The following COL26A1 variants were observed in gnomAD, a reference collection of about 807,000 sequenced individuals.
COL26A1 encodes collagen alpha-1(XXVI) chain.
In COL26A1, 41 loss-of-function variants were observed where a neutral mutation model predicts 59.3. The observed-to-expected ratio is 0.69, with a 90% CI of 0.54 to 0.90. The LOEUF (loss-of-function observed/expected upper bound fraction) is 0.90. Ranked by LOEUF, COL26A1 falls within the 40% of genes least tolerant of loss-of-function variation. COL26A1 has a pLI of 0.00. For missense variants in COL26A1, 612 were observed against 602.3 expected (o/e 1.02, Z -0.17); for synonymous variants, 266 against 256.0 (o/e 1.04, Z -0.37).
intron 4 of COL26A1, among the ~76,000 whole-genome samples, chr7:101,537,951 A>C (rs1795515295): frequency 1.4e-5 from 2 of 146,098 alleles, no homozygotes; most frequent in African/African-American, 2.6e-5. Context: ...TATCACCTTC[A>C]CTCCCAAGCC....
intron 3 of COL26A1, among the ~76,000 whole-genome samples, chr7:101,458,802 G>A (rs1350683303): frequency 1.8e-5 from 2 of 113,580 alleles, no homozygotes; most frequent in Non-Finnish European, 3.8e-5. Flanking sequence ...TGAAACCTGG[G>A]TCTTTTTTTT....
At chr7:101,366,447 A>C (rs1176838448) in intron 1 of COL26A1, among the ~76,000 whole-genome samples, 1 of 104,798 alleles carries the variant, frequency 9.5e-6, no homozygotes, top group East Asian at 2.7e-4. Flanking sequence ...CTTTAATTTC[A>C]TTGTTACTGC....
intron 1 of COL26A1, among the ~76,000 whole-genome samples, chr7:101,414,220 G>A (rs979387047): frequency 6.6e-6 from 1 of 152,100 alleles, no homozygotes; most frequent in Non-Finnish European, 1.5e-5. Flanking sequence ...TTATGGGGAC[G>A]GTGATTTGAG....
At chr7:101,379,806 A>AT (rs1366569231) in intron 1 of COL26A1, among the ~76,000 whole-genome samples, 1 of 152,198 alleles carries the variant, frequency 6.6e-6, no homozygotes, top group Non-Finnish European at 1.5e-5. Context: ...CACCAGCGCC[A>AT]TAACAGTTTG....
chr7:101,483,300 C>T (rs879728799), intron 3 of COL26A1, among the ~76,000 whole-genome samples: 22 of 151,128 alleles, frequency 1.5e-4, no homozygotes, highest in South Asian at 2.1e-4. Context: ...TGGGTTCAAG[C>T]GATTCTCCTG....
intron 1 of COL26A1, among the ~76,000 whole-genome samples, chr7:101,419,033 T>C (rs1792444333): frequency 5.2e-5 from 7 of 135,074 alleles, no homozygotes; most frequent in African/African-American, 1.4e-4. Flanking sequence ...CCTTCCTCCC[T>C]CCCTCCCTCT....
chr7:101,493,351 A>C (rs1794509367), intron 3 of COL26A1, among the ~76,000 whole-genome samples: 1 of 151,178 alleles, frequency 6.6e-6, no homozygotes, highest in South Asian at 2.1e-4. Flanking sequence ...GGCAGGCTCT[A>C]GTCCATCTGC....
At chr7:101,370,809 C>G (rs1275565124) in intron 1 of COL26A1, among the ~76,000 whole-genome samples, 3 of 152,206 alleles carry the variant, frequency 2.0e-5, no homozygotes, top group South Asian at 2.1e-4. Flanking sequence ...TGACTCCCCC[C>G]TCTTTTGGTA....
intron 3 of COL26A1, among the ~76,000 whole-genome samples, chr7:101,486,819 G>A (rs974385900): frequency 6.6e-6 from 1 of 152,208 alleles, no homozygotes; most frequent in African/African-American, 2.4e-5. Context: ...GATCAGAAAC[G>A]TAATGGATTC....
chr7:101,387,647 T>TTA (rs1212311235), intron 1 of COL26A1, among the ~76,000 whole-genome samples: 8 of 135,304 alleles, frequency 5.9e-5, no homozygotes, highest in Middle Eastern at 3.8e-3. Flanking sequence ...CTCTCTCTCT[T>TTA]TATATATATA....
chr7:101,387,766 A>ATTTT (rs1443633156), intron 1 of COL26A1, among the ~76,000 whole-genome samples: 2 of 38,740 alleles, frequency 5.2e-5, no homozygotes, highest in African/African-American at 6.8e-5. Context: ...ATATATATAT[A>ATTTT]TATATATATA....
At position 101,553,319 on chromosome 7, in the gene COL26A1, T is replaced by C. The variant is rs748746128; in HGVS notation, c.1030-7T>C. The C allele has an allele frequency of 6.2e-7, 1 of 1,613,608 alleles. No homozygotes were observed. Among genetic ancestry groups the C allele is most frequent in the Non-Finnish European group, 8.5e-7 (1 of 1,179,712 alleles). ...TTCCAGTGTTGACTGTGTGACTTGC[T>C]TCTTAGGGTGAACCTGGCGTGAAGG... On this transcript the variant is annotated splice_polypyrimidine_tract_variant and splice_region_variant and intron_variant, in intron 10 of 12. Coordinates refer to ENST00000313669, the MANE Select transcript of COL26A1 (RefSeq NM_001278563.3).
At chr7:101,438,582 C>T (rs1028574486) in intron 2 of COL26A1, among the ~76,000 whole-genome samples, 2 of 151,532 alleles carry the variant, frequency 1.3e-5, no homozygotes, top group African/African-American at 4.8e-5. Context: ...GTGTTTTCAT[C>T]CATAAAATGG....
chr7:101,461,757 G>A (rs1793618268), intron 3 of COL26A1, among the ~76,000 whole-genome samples: 1 of 152,170 alleles, frequency 6.6e-6, no homozygotes, highest in Non-Finnish European at 1.5e-5. Context: ...TGGGAGAAGG[G>A]AAGGGCTTTG....
chr7:101,454,268 CTTT>C (rs58969139), intron 3 of COL26A1, among the ~76,000 whole-genome samples: 1 of 137,328 alleles, frequency 7.3e-6, no homozygotes. Flanking sequence ...TCTTTTCTTT[CTTT>C]TTTTTTTTTT....
At chr7:101,530,106 G>C (rs997044629) in intron 3 of COL26A1, among the ~76,000 whole-genome samples, 3 of 152,138 alleles carry the variant, frequency 2.0e-5, no homozygotes, top group African/African-American at 7.2e-5. Flanking sequence ...TGAATGTATA[G>C]GTGGGTAGAT....
At position 101,544,013 on chromosome 7, in the gene COL26A1, C is replaced by G. The variant is rs760498954; in HGVS notation, c.620C>G (p.Thr207Arg). The change falls in exon 6 of 13, where the codon ACA becomes AGA. Residue 207 changes from threonine to arginine, a missense_variant. Coordinates refer to ENST00000313669, the MANE Select transcript of COL26A1 (RefSeq NM_001278563.3). ...PTGPAGPPGQ[T>R]GPPGPAGPPG... ...CTCTCCCCAGGGCCCCCGGGGCAGA[C>G]AGGACCACCAGGGCCTGCAGGCCCC... 155 of 1,583,788 alleles carry G rather than the reference C, an allele frequency of 9.8e-5. 1 individual carries two copies. In the East Asian group the frequency reaches 2.9e-3, roughly 30 times the overall value.
chr7:101,534,533 GAC>G lies in COL26A1; in HGVS notation c.447+1394_447+1395del, dbSNP rs534772193. ...ACACACATTTGCACATGTGCACACA[GAC>G]ACATGCACACACACAAAAACAGGGA... is the stretch of plus-strand genomic sequence containing the variant. On this transcript the variant is annotated intron_variant, in intron 4 of 12. Transcript: ENST00000313669. 1.8e-4 allele frequency among the ~76,000 whole-genome samples: 28 copies of G among 151,984 alleles called. No homozygotes were observed. The East Asian group carries it at 5.4e-3, about 29-fold the overall frequency.
chr7:101,546,474 C>T (rs1445149279), intron 7 of COL26A1, among the ~76,000 whole-genome samples: 9 of 151,268 alleles, frequency 5.9e-5, no homozygotes, highest in African/African-American at 2.2e-4. Context: ...TGTGGTCTCA[C>T]TATGTTGGGC....
Sources: gnomAD v4.1 joint callset for allele counts (sites outside exome capture counted in the v4.1 genomes callset) on GRCh38, gnomAD v4.1.1 for gene constraint, MANE v1.5 for transcripts, NCBI Gene and HGNC (gene_info 2026-07-23, HGNC 2026-07-21) for gene names.